Variants in SLC8A1 observed in about 807,000 individuals in gnomAD.
SLC8A1 encodes the protein sodium/calcium exchanger 1.
Under a neutral mutation model 68.3 loss-of-function variants are expected in SLC8A1, and 18 were observed. The ratio of observed to expected loss-of-function variants is 0.26; its 90% confidence interval spans 0.18 to 0.39. The LOEUF (loss-of-function observed/expected upper bound fraction) is 0.39, where lower values mean the gene tolerates loss of function less well. SLC8A1 is among the 10% of genes least tolerant of loss of function. The pLI is 1.00. For missense variants in SLC8A1, 985 were observed against 1,156.7 expected (o/e 0.85, Z 2.15); for synonymous variants, 475 against 415.5 (o/e 1.14, Z -1.74).
intron 4 of SLC8A1, among the ~76,000 whole-genome samples, chr2:40,172,200 C>T (rs1210675798): frequency 6.6e-6 from 1 of 152,158 alleles, no homozygotes; most frequent in Non-Finnish European, 1.5e-5. Context: ...TTAGAACTGT[C>T]CTCAGGAGCA....
At chr2:40,426,925 A>G (rs1375540386) in intron 2 of SLC8A1, among the ~76,000 whole-genome samples, 1 of 152,080 alleles carries the variant, frequency 6.6e-6, no homozygotes, top group East Asian at 1.9e-4. Flanking sequence ...CTGGGCACAC[A>G]TGAACTTTCC....
chr2:40,253,016 T>TAG (rs1343179863), intron 2 of SLC8A1, among the ~76,000 whole-genome samples: 32 of 105,102 alleles, frequency 3.0e-4, no homozygotes, highest in African/African-American at 7.4e-4. Flanking sequence ...TATGTATCTG[T>TAG]ATATATGTAT....
At chr2:40,506,622 A>G (rs72936411) in intron 1 of SLC8A1, among the ~76,000 whole-genome samples, 2,014 of 152,082 alleles carry the variant, frequency 0.013, 50 homozygotes, top group African/African-American at 0.046. Context: ...ATTTTAAAAA[A>G]TGTAATCTAT....
intron 2 of SLC8A1, among the ~76,000 whole-genome samples, chr2:40,396,265 AT>A (rs1686861585): frequency 6.6e-6 from 1 of 152,134 alleles, no homozygotes. Flanking sequence ...TCCTCAATCC[AT>A]GAAGTGTGTT....
At chr2:40,224,263 A>G (rs2058700188) in intron 2 of SLC8A1, among the ~76,000 whole-genome samples, 2 of 152,088 alleles carry the variant, frequency 1.3e-5, no homozygotes, top group Non-Finnish European at 2.9e-5. Context: ...GAGGTCTGAA[A>G]AGACAGAGGC....
intron 7 of SLC8A1, among the ~76,000 whole-genome samples, chr2:40,121,078 G>A (rs1036831981): frequency 2.6e-5 from 4 of 152,150 alleles, no homozygotes; most frequent in Admixed American, 2.6e-4. Context: ...TCTGTCTCTA[G>A]TGATAAGCAG....
At chr2:40,240,870 C>A (rs1395538734) in intron 2 of SLC8A1, among the ~76,000 whole-genome samples, 1 of 152,052 alleles carries the variant, frequency 6.6e-6, no homozygotes, top group Non-Finnish European at 1.5e-5. Flanking sequence ...CAGAATGATA[C>A]CCCGACTCAA....
In SLC8A1 at chr2:40,361,987, C is replaced by T. The variant is rs149094282; in HGVS notation, c.1808+66486G>A. Reference sequence around the variant, plus strand: ...ACAATCTGCCTGCAACCTCTGCCTCCGGGTTCAAGTGATTCTCCTGACTCA... The same window carrying T: ...ACAATCTGCCTGCAACCTCTGCCTCTGGGTTCAAGTGATTCTCCTGACTCA... On this transcript the variant is annotated intron_variant, in intron 2 of 7. Transcript: ENST00000406785. 3.5e-3 allele frequency among the ~76,000 whole-genome samples: 497 copies of T among 141,020 alleles called. 4 individuals are homozygous for T. Among genetic ancestry groups the T allele is most frequent in the African/African-American group, 0.012 (454 of 37,178 alleles). The allele number at this position is 141,020 out of a possible 152,430, so 92.5% of individuals were successfully genotyped here.
intron 1 of SLC8A1, among the ~76,000 whole-genome samples, chr2:40,448,039 A>G (rs1352690915): frequency 6.6e-6 from 1 of 152,224 alleles, no homozygotes; most frequent in Non-Finnish European, 1.5e-5. Context: ...CTACTGTTCA[A>G]TATAGTCTCT....
chr2:40,215,005 C>T (rs1385895164), intron 2 of SLC8A1, among the ~76,000 whole-genome samples: 1 of 152,068 alleles, frequency 6.6e-6, no homozygotes, highest in African/African-American at 2.4e-5. Flanking sequence ...ATTTCAGGAA[C>T]ACTGTAAAGT....
chr2:40,486,416 C>A (rs1028835519), intron 1 of SLC8A1, among the ~76,000 whole-genome samples: 1 of 152,174 alleles, frequency 6.6e-6, no homozygotes, highest in Non-Finnish European at 1.5e-5. Flanking sequence ...CACAGTAGAA[C>A]TTATTTCAGC....
At chr2:40,219,152 T>A (rs1275239591) in intron 2 of SLC8A1, among the ~76,000 whole-genome samples, 2 of 152,168 alleles carry the variant, frequency 1.3e-5, no homozygotes, top group Non-Finnish European at 2.9e-5. Flanking sequence ...CCCTTTCAAT[T>A]GGGATGCTGG....
chr2:40,435,436 G>C (rs749368024), intron 1 of SLC8A1, among the ~76,000 whole-genome samples: 2 of 151,966 alleles, frequency 1.3e-5, no homozygotes, highest in African/African-American at 4.8e-5. Context: ...CATTTACACA[G>C]AGACCCTCTA....
At chr2:40,307,146 T>TACACACACACACAC (rs144335092) in intron 2 of SLC8A1, among the ~76,000 whole-genome samples, 3,439 of 148,244 alleles carry the variant, frequency 0.023, 33 homozygotes, top group Middle Eastern at 0.038. Flanking sequence ...AAATGTGATA[T>TACACACACACACAC]ACACACACAC....
At chr2:40,354,431 G>T (rs973311998) in intron 2 of SLC8A1, among the ~76,000 whole-genome samples, 1 of 152,154 alleles carries the variant, frequency 6.6e-6, no homozygotes, top group Admixed American at 6.5e-5. Context: ...CTATGTAAGA[G>T]GTCAATGCTG....
intron 2 of SLC8A1, among the ~76,000 whole-genome samples, chr2:40,331,965 T>C (rs2076459595): frequency 6.6e-6 from 1 of 152,056 alleles, no homozygotes. Context: ...TTCAGACAGT[T>C]TGAGGTTACA....
intron 2 of SLC8A1, chr2:40,337,337 ATAC>A (rs1160867526): frequency 8.5e-6 from 3 of 353,654 alleles, no homozygotes; most frequent in Admixed American, 2.4e-5. Flanking sequence ...TGTAAATATC[ATAC>A]TACTACTCAA....
At chr2:40,222,088 C>A (rs1428485576) in intron 2 of SLC8A1, among the ~76,000 whole-genome samples, 1 of 152,012 alleles carries the variant, frequency 6.6e-6, no homozygotes, top group Non-Finnish European at 1.5e-5. Flanking sequence ...AAGAACAAAG[C>A]TGGAGGCATC....
intron 1 of SLC8A1, among the ~76,000 whole-genome samples, chr2:40,509,134 A>C (rs1451693860): frequency 2.0e-5 from 3 of 152,200 alleles, no homozygotes; most frequent in Non-Finnish European, 4.4e-5. Context: ...TTTTCTTCCA[A>C]TACCTTGTCA....
Sources: allele counts gnomAD v4.1 joint callset (sites outside exome capture counted in the v4.1 genomes callset), GRCh38; gene constraint gnomAD v4.1.1; transcripts MANE v1.5; gene names NCBI Gene and HGNC (gene_info 2026-07-23, HGNC 2026-07-21).